The following LRMDA variants were observed in gnomAD, a reference collection of about 807,000 sequenced individuals.
LRMDA encodes the protein leucine-rich melanocyte differentiation-associated protein.
A neutral mutation model predicts 29.8 loss-of-function variants in LRMDA; 18 were observed. That is an observed-to-expected ratio of 0.60 (90% confidence interval 0.42 to 0.90). LRMDA has a LOEUF of 0.90. Among genes scored for constraint, LRMDA ranks in the 40% least tolerant of loss-of-function variants. LRMDA has a pLI of 0.00. For synonymous variants in LRMDA, 125 were observed against 109.4 expected (o/e 1.14, Z -0.89); for missense variants, 273 against 273.9 (o/e 1.00, Z 0.02).
At chr10:76,389,753 C>T (rs1589162706) in intron 6 of LRMDA, among the ~76,000 whole-genome samples, 1 of 152,278 alleles carries the variant, frequency 6.6e-6, no homozygotes, top group Non-Finnish European at 1.5e-5. Flanking sequence ...ACTTATTTCG[C>T]TTAGCATAAT....
chr10:75,693,407 T>G (rs745491338), intron 2 of LRMDA, among the ~76,000 whole-genome samples: 1 of 152,222 alleles, frequency 6.6e-6, no homozygotes, highest in Non-Finnish European at 1.5e-5. Context: ...TGTGCTAGTT[T>G]ACATTAGCTT....
intron 2 of LRMDA, among the ~76,000 whole-genome samples, chr10:75,818,264 C>T (rs1004908177): frequency 1.3e-5 from 2 of 152,162 alleles, no homozygotes; most frequent in African/African-American, 4.8e-5. Context: ...GGGTCAGCCA[C>T]TAGTGGTATT....
chr10:76,283,258 C>T (rs1250519141), intron 5 of LRMDA, among the ~76,000 whole-genome samples: 5 of 152,110 alleles, frequency 3.3e-5, no homozygotes, highest in African/African-American at 9.7e-5. Flanking sequence ...CAGTATTTGC[C>T]CTCAGGCAGT....
intron 2 of LRMDA, among the ~76,000 whole-genome samples, chr10:76,004,045 G>C (rs1271282596): frequency 1.2e-4 from 18 of 152,130 alleles, no homozygotes; most frequent in Non-Finnish European, 8.8e-5. Flanking sequence ...ATTCATCAAT[G>C]AGCAAATGAA....
intron 5 of LRMDA, among the ~76,000 whole-genome samples, chr10:76,180,553 A>G (rs557759889): frequency 4.2e-4 from 64 of 152,184 alleles, no homozygotes; most frequent in Middle Eastern, 3.4e-3. Flanking sequence ...TGCTGGGATT[A>G]CAGACATGAG....
chr10:75,493,548 C>A (rs1845012174), intron 2 of LRMDA, among the ~76,000 whole-genome samples: 1 of 152,144 alleles, frequency 6.6e-6, no homozygotes. Flanking sequence ...TAGGGAGAAG[C>A]TGTGACTGTT....
At chr10:76,262,037 AC>A (rs2132310128) in intron 5 of LRMDA, among the ~76,000 whole-genome samples, 1 of 152,064 alleles carries the variant, frequency 6.6e-6, no homozygotes, top group African/African-American at 2.4e-5. Flanking sequence ...ATTCAAGGCC[AC>A]CCTGGGCAAC....
intron 2 of LRMDA, among the ~76,000 whole-genome samples, chr10:75,750,743 A>G (rs1374132134): frequency 2.8e-5 from 4 of 144,472 alleles, no homozygotes; most frequent in African/African-American, 1.0e-4. Flanking sequence ...GGGGCTCCTC[A>G]CATCCCAGAC....
intron 2 of LRMDA, among the ~76,000 whole-genome samples, chr10:75,683,588 A>G (rs1229814419): frequency 6.6e-6 from 1 of 152,220 alleles, no homozygotes; most frequent in Non-Finnish European, 1.5e-5. Flanking sequence ...ATGGAGAATA[A>G]AATATCCTGC....
At position 75,627,999 on chromosome 10, in the gene LRMDA, A is replaced by T. The variant is rs144598003; in HGVS notation, c.131+189505A>T. ...GGTCAACATATCTCCAGCATCCTGG[A>T]TGGTGCTTGGCCAGTGGTTAGCCCT... On this transcript the variant is annotated intron_variant, in intron 2 of 6. Coordinates refer to ENST00000611255, the MANE Select transcript of LRMDA (RefSeq NM_001305581.2). Among the ~76,000 whole-genome samples, 559 of 152,332 alleles carry T rather than the reference A, an allele frequency of 3.7e-3. 2 individuals carry two copies. Among genetic ancestry groups the T allele is most frequent in the African/African-American group, 0.013 (535 of 41,570 alleles).
chr10:75,908,311 T>A (rs1845788565), intron 2 of LRMDA, among the ~76,000 whole-genome samples: 1 of 152,090 alleles, frequency 6.6e-6, no homozygotes, highest in Non-Finnish European at 1.5e-5. Flanking sequence ...TTGTCTTCCC[T>A]CCACCAGCAC....
At chr10:75,613,628 CT>C (rs934935914) in intron 2 of LRMDA, among the ~76,000 whole-genome samples, 76 of 152,270 alleles carry the variant, frequency 5.0e-4, no homozygotes, top group African/African-American at 1.6e-3. Context: ...CAGGTTTCAT[CT>C]TGTTTTTTCA....
intron 2 of LRMDA, among the ~76,000 whole-genome samples, chr10:75,509,161 T>C (rs1360361493): frequency 6.6e-6 from 1 of 152,178 alleles, no homozygotes; most frequent in Non-Finnish European, 1.5e-5. Flanking sequence ...CTGCTGTTTG[T>C]TGGCCCTCAT....
At chr10:76,447,658 T>C (rs1564544322) in intron 6 of LRMDA, among the ~76,000 whole-genome samples, 1 of 152,196 alleles carries the variant, frequency 6.6e-6, no homozygotes, top group African/African-American at 2.4e-5. Context: ...TGTGACTTGC[T>C]CTGTTCATTC....
Position 76,559,722 on chromosome 10 carries a change from G to C in LRMDA, c.*2434G>C, listed in dbSNP as rs1382358990. The C allele has an allele frequency of 6.6e-6, 1 of 152,182 alleles. No individual in the cohort carries two copies. The highest frequency in any genetic ancestry group is 6.5e-5 in the Admixed American group (1 of 15,280). The allele number at this position is 152,182 out of a possible 1,614,324, so 9.4% of individuals were successfully genotyped here. ...TTCAATCAGGGCCCAGACATGTTTT[G>C]TACCCCCTTTACCCTTTGGTCTTTC... On this transcript the variant is annotated 3_prime_UTR_variant, in exon 7 of 7. Transcript: ENST00000611255.
intron 5 of LRMDA, among the ~76,000 whole-genome samples, chr10:76,127,417 T>C (rs1480540973): frequency 6.6e-6 from 1 of 152,232 alleles, no homozygotes; most frequent in South Asian, 2.1e-4. Context: ...ACCCTACAGA[T>C]GCATGGCAGG....
At chr10:76,356,518 A>T (rs1243043962) in intron 6 of LRMDA, among the ~76,000 whole-genome samples, 2 of 151,940 alleles carry the variant, frequency 1.3e-5, no homozygotes, top group Non-Finnish European at 1.5e-5. Context: ...ATTTTTTTTT[A>T]AACTGGAGGG....
At chr10:75,526,850 C>T (rs1845419087) in intron 2 of LRMDA, among the ~76,000 whole-genome samples, 1 of 129,374 alleles carries the variant, frequency 7.7e-6, no homozygotes, top group Admixed American at 7.4e-5. Flanking sequence ...CAGAGCAAGG[C>T]CCTATCTCAA....
Position 75,970,054 on chromosome 10 carries a change from TTGA to T in LRMDA, c.132-65950_132-65948del, listed in dbSNP as rs1315155782. Among the ~76,000 whole-genome samples the T allele has an allele frequency of 1.3e-4, 20 of 152,372 alleles. 1 individual carries two copies. The East Asian group carries it at 3.9e-3, about 29-fold the overall frequency. On this transcript the variant is annotated intron_variant, in intron 2 of 6. Coordinates refer to ENST00000611255, the MANE Select transcript of LRMDA (RefSeq NM_001305581.2). ...ATGTGGCTGGTTTGACCTTTGCCAC[TTGA>T]TGACCCCAAGACACATCTACTTTTT...
Sources: gnomAD v4.1 joint callset for allele counts (sites outside exome capture counted in the v4.1 genomes callset) on GRCh38, gnomAD v4.1.1 for gene constraint, MANE v1.5 for transcripts, NCBI Gene and HGNC (gene_info 2026-07-23, HGNC 2026-07-21) for gene names.